Variants in TXNRD1 observed in about 807,000 individuals in gnomAD.
TXNRD1 encodes the protein thioredoxin reductase 1, cytoplasmic.
A neutral mutation model predicts 80.3 loss-of-function variants in TXNRD1; 57 were observed. That is an observed-to-expected ratio of 0.71 (90% CI 0.57 to 0.89). The LOEUF is 0.89. Among genes scored for constraint, TXNRD1 ranks in the 40% least tolerant of loss-of-function variants. The pLI, the probability that TXNRD1 is intolerant of heterozygous loss-of-function variation, is 0.00. For synonymous variants in TXNRD1, 291 were observed against 285.2 expected (o/e 1.02, Z -0.20); for missense variants, 730 against 803.0 (o/e 0.91, Z 1.10).
chr12:104,247,973 C>T (rs2033028774), intron 1 of TXNRD1, among the ~76,000 whole-genome samples: 1 of 152,146 alleles, frequency 6.6e-6, no homozygotes, highest in Admixed American at 6.5e-5. Flanking sequence ...GGCCTAGTGA[C>T]CCCAGATGTC....
At chr12:104,340,229 G>A (rs2036275915) in intron 16 of TXNRD1, among the ~76,000 whole-genome samples, 1 of 152,182 alleles carries the variant, frequency 6.6e-6, no homozygotes. Context: ...ATAGAAAGCT[G>A]CTGTTTTTGT....
rs944041083 is a variant in TXNRD1 at position 104,346,106 on chromosome 12, A to C, written c.1882-2247A>C. 7.8e-6 allele frequency: 6 copies of C among 764,958 alleles called. No individual in the cohort carries two copies. The African/African-American group carries it at 1.1e-4, about 14-fold the overall frequency. 47.4% of individuals were successfully genotyped at this position (764,958 alleles called of 1,614,324 possible). On this transcript the variant is annotated intron_variant, in intron 16 of 16. Transcript: ENST00000525566. ...CAGTTCACTGCAGCCTTGACCTTTC[A>C]AGCTCAAGCGATGTTCCTGCCTCAG...
chr12:104,287,450 C>T (rs1169116153), intron 3 of TXNRD1: 1 of 1,612,600 alleles, frequency 6.2e-7, no homozygotes, highest in South Asian at 1.1e-5. Context: ...TCGTTTCTTA[C>T]AGAGTCCGAG....
At chr12:104,277,113 C>T (rs1050733750) in intron 3 of TXNRD1, among the ~76,000 whole-genome samples, 1 of 151,100 alleles carries the variant, frequency 6.6e-6, no homozygotes, top group Non-Finnish European at 1.5e-5. Flanking sequence ...AAGCATAGGC[C>T]GGGTGCGGTG....
chr12:104,339,506 C>CT, intron 16 of TXNRD1: 1 of 674,706 alleles, frequency 1.5e-6, no homozygotes, highest in Non-Finnish European at 2.7e-6. Flanking sequence ...ATTTATAGAG[C>CT]TGTGCCTTAA....
chr12:104,313,445 A>T, intron 6 of TXNRD1, 128 bp downstream of exon 6: 1 of 655,954 alleles, frequency 1.5e-6, no homozygotes, highest in African/African-American at 1.8e-5. Flanking sequence ...GCCCCAAAAC[A>T]TATATATCTT....
At chr12:104,323,817 C>CG (rs565342445) in intron 10 of TXNRD1, among the ~76,000 whole-genome samples, 3,678 of 150,974 alleles carry the variant, frequency 0.024, 138 homozygotes, top group East Asian at 0.19. Flanking sequence ...CTGACCCCCC[C>CG]CCACCTCCCT....
Position 104,323,368 on chromosome 12 carries a change from C to T in TXNRD1, c.1216-1969C>T, listed in dbSNP as rs1369114809. On this transcript the variant is annotated intron_variant, in intron 10 of 16. Transcript: ENST00000525566. The stretch of plus-strand genomic sequence containing the variant: ...CCGGGCAGAGGGGCTCCTCACTTCC[C>T]AGTAGGGGCGGCCGGGGCGGCTGGC... Among the ~76,000 whole-genome samples, 1,345 of 151,580 alleles carry T rather than the reference C, an allele frequency of 8.9e-3. 23 individuals carry two copies. The highest frequency in any genetic ancestry group is 0.031 in the African/African-American group (1,286 of 41,264).
intron 1 of TXNRD1, among the ~76,000 whole-genome samples, chr12:104,225,876 A>G (rs762913458): frequency 4.6e-5 from 7 of 152,158 alleles, no homozygotes; most frequent in African/African-American, 7.2e-5. Flanking sequence ...CAAACTTTTT[A>G]GTGGATTACC....
chr12:104,302,792 C>T (rs144508306), intron 4 of TXNRD1, among the ~76,000 whole-genome samples: 6 of 152,250 alleles, frequency 3.9e-5, no homozygotes, highest in African/African-American at 1.4e-4. Context: ...CCCGGCCATT[C>T]CCATTGTTAT....
chr12:104,268,917 CTTT>C (rs34134230), intron 3 of TXNRD1, among the ~76,000 whole-genome samples: 2 of 127,810 alleles, frequency 1.6e-5, no homozygotes, highest in Non-Finnish European at 1.6e-5. Context: ...GTTGTCATTT[CTTT>C]TTTTTTTTTT....
At chr12:104,306,318 A>G (rs1012738799) in intron 4 of TXNRD1, among the ~76,000 whole-genome samples, 1 of 152,210 alleles carries the variant, frequency 6.6e-6, no homozygotes, top group African/African-American at 2.4e-5. Context: ...TTTCCGTTGC[A>G]TAAATTACAA....
At chr12:104,218,784 A>G (rs1005606256) in intron 1 of TXNRD1, among the ~76,000 whole-genome samples, 46 of 151,056 alleles carry the variant, frequency 3.0e-4, no homozygotes, top group Admixed American at 3.0e-3. Context: ...ATTTTTTTAC[A>G]TTTTGTAGAG....
chr12:104,231,591 T>C (rs997318269), intron 1 of TXNRD1, among the ~76,000 whole-genome samples: 4 of 152,202 alleles, frequency 2.6e-5, no homozygotes, highest in Admixed American at 1.3e-4. Flanking sequence ...TGTCAATAGT[T>C]TTGATTTGAT....
intron 2 of TXNRD1, among the ~76,000 whole-genome samples, chr12:104,257,171 G>A (rs2033271549): frequency 6.6e-6 from 1 of 151,472 alleles, no homozygotes; most frequent in Non-Finnish European, 1.5e-5. Flanking sequence ...AGTAGTATAA[G>A]TAACTTTTAA....
chr12:104,254,644 A>AATAT (rs1178469026), intron 2 of TXNRD1, among the ~76,000 whole-genome samples: 28 of 93,618 alleles, frequency 3.0e-4, no homozygotes, highest in African/African-American at 4.6e-4. Flanking sequence ...AAAAAAAAAA[A>AATAT]ATATATATAT....
chr12:104,346,661 A>G (rs1168131166), intron 16 of TXNRD1, among the ~76,000 whole-genome samples: 1 of 151,894 alleles, frequency 6.6e-6, no homozygotes, highest in African/African-American at 2.4e-5. Flanking sequence ...GTACTCCTAC[A>G]TTTTTTTTAA....
At chr12:104,290,722 T>TATATATATAC (rs2034161851) in intron 4 of TXNRD1, among the ~76,000 whole-genome samples, 2 of 40,996 alleles carry the variant, frequency 4.9e-5, no homozygotes, top group South Asian at 7.4e-4. Flanking sequence ...GAAATATACA[T>TATATATATAC]ATATATATAT....
intron 3 of TXNRD1, among the ~76,000 whole-genome samples, chr12:104,270,375 T>A (rs2033627848): frequency 6.6e-6 from 1 of 152,206 alleles, no homozygotes; most frequent in Admixed American, 6.5e-5. Context: ...GAAAACAACA[T>A]TCATCTCCTT....
Sources: gnomAD v4.1 joint callset for allele counts (sites outside exome capture counted in the v4.1 genomes callset) on GRCh38, gnomAD v4.1.1 for gene constraint, MANE v1.5 for transcripts, NCBI Gene and HGNC (gene_info 2026-07-23, HGNC 2026-07-21) for gene names.